AGMO: variants seen among roughly 807,000 people sequenced by gnomAD.
The protein encoded by AGMO is glyceryl-ether monooxygenase.
AGMO carries 75 observed loss-of-function variants against 60.2 expected under a neutral mutation model. That is an observed-to-expected ratio of 1.25 (90% CI 1.03 to 1.51). The LOEUF (loss-of-function observed/expected upper bound fraction) is 1.51. Ranked by LOEUF, AGMO falls within the 40% of genes most tolerant of loss-of-function variation. AGMO has a pLI of 0.00. For missense variants in AGMO, 763 were observed against 525.5 expected, an observed-to-expected ratio of 1.45 and a Z score of -4.42; for synonymous variants, 261 against 177.1, an observed-to-expected ratio of 1.47 and a Z score of -3.76.
the AGMO span, among the ~76,000 whole-genome samples, chr7:15,154,330 G>A: frequency 6.6e-6 from 1 of 152,072 alleles, no homozygotes; most frequent in South Asian, 2.1e-4. Context: ...TAAGCAAAGA[G>A]GTGCAAGATT....
At chr7:15,368,573 C>T (rs529923313) in intron 10 of AGMO, among the ~76,000 whole-genome samples, 129 of 152,094 alleles carry the variant, frequency 8.5e-4, no homozygotes, top group African/African-American at 2.8e-3. Flanking sequence ...ATAAAATACG[C>T]GTTTGGCAAG....
At chr7:15,272,935 TTTCGAGAAGTGTCTG>T (rs1426798826) in intron 12 of AGMO, among the ~76,000 whole-genome samples, 1 of 152,224 alleles carries the variant, frequency 6.6e-6, no homozygotes, top group Non-Finnish European at 1.5e-5. Context: ...AAATGTCTTC[TTTCGAGAAGTGTCTG>T]TTCATATCCT....
chr7:15,326,491 T>C (rs1781343210), intron 12 of AGMO, among the ~76,000 whole-genome samples: 1 of 152,232 alleles, frequency 6.6e-6, no homozygotes, highest in Admixed American at 6.5e-5. Flanking sequence ...CTCTTCGCAT[T>C]CTACCTATTT....
At chr7:15,471,033 T>A (rs1461487173) in intron 3 of AGMO, among the ~76,000 whole-genome samples, 1 of 151,998 alleles carries the variant, frequency 6.6e-6, no homozygotes, top group African/African-American at 2.4e-5. Flanking sequence ...ATTTGCTCTC[T>A]GGATTTAGTG....
chr7:15,257,759 G>A (rs988210786), intron 12 of AGMO, among the ~76,000 whole-genome samples: 8 of 152,180 alleles, frequency 5.3e-5, no homozygotes, highest in Non-Finnish European at 1.2e-4. Flanking sequence ...GACAGGCAAG[G>A]AAGGATTTAA....
intron 3 of AGMO, among the ~76,000 whole-genome samples, chr7:15,483,409 A>G (rs1001518831): frequency 2.6e-5 from 3 of 116,548 alleles, no homozygotes; most frequent in African/African-American, 7.6e-5. Context: ...TACTAAAAAT[A>G]CAAAAAATTA....
chr7:15,368,371 A>G (rs1783066255), intron 10 of AGMO, among the ~76,000 whole-genome samples: 1 of 151,952 alleles, frequency 6.6e-6, no homozygotes, highest in African/African-American at 2.4e-5. Flanking sequence ...ATCTCTCACT[A>G]TATTGCTTCA....
intron 12 of AGMO, among the ~76,000 whole-genome samples, chr7:15,234,768 T>C (rs1239499062): frequency 6.6e-6 from 1 of 152,190 alleles, no homozygotes; most frequent in African/African-American, 2.4e-5. Context: ...TTATGATCAC[T>C]GAAATTTGAA....
At chr7:15,123,828 T>A in the AGMO span, among the ~76,000 whole-genome samples, 12 of 152,230 alleles carry the variant, frequency 7.9e-5, no homozygotes, top group African/African-American at 2.9e-4. Context: ...ATGAGTTTAT[T>A]TAGATCACAT....
intron 3 of AGMO, among the ~76,000 whole-genome samples, chr7:15,458,845 G>T (rs180964339): frequency 7.9e-5 from 12 of 152,168 alleles, no homozygotes; most frequent in Admixed American, 2.6e-4. Flanking sequence ...TCCAGAGAGG[G>T]CACTCCCCTC....
intron 3 of AGMO, among the ~76,000 whole-genome samples, chr7:15,441,919 T>C (rs531653415): frequency 6.6e-6 from 1 of 152,198 alleles, no homozygotes; most frequent in Non-Finnish European, 1.5e-5. Context: ...ATATTACCCC[T>C]GTCAACAAAA....
chr7:15,176,673 G>A, the AGMO span, among the ~76,000 whole-genome samples: 1 of 151,968 alleles, frequency 6.6e-6, no homozygotes, highest in South Asian at 2.1e-4. Flanking sequence ...TTATGTACTA[G>A]TTGGGTCAGG....
At chr7:15,204,262 G>C (rs1246356955) in intron 12 of AGMO, among the ~76,000 whole-genome samples, 1 of 152,022 alleles carries the variant, frequency 6.6e-6, no homozygotes, top group African/African-American at 2.4e-5. Context: ...GATTACCGTA[G>C]TCACTCCATT....
intron 5 of AGMO, among the ~76,000 whole-genome samples, chr7:15,395,786 C>T (rs560612690): frequency 3.0e-4 from 45 of 152,276 alleles, no homozygotes; most frequent in African/African-American, 7.9e-4. Context: ...AATAAATTGC[C>T]TAAGTCTCAG....
chr7:15,299,830 T>TACACACATACAC (rs1554408739), intron 12 of AGMO, among the ~76,000 whole-genome samples: 1 of 48,190 alleles, frequency 2.1e-5, no homozygotes, highest in African/African-American at 1.5e-4. Flanking sequence ...TCTGTCTACA[T>TACACACATACAC]ACACACACAC....
chr7:15,292,751 CTTTTTTTTT>C (rs765222435), intron 12 of AGMO, among the ~76,000 whole-genome samples: 2 of 95,126 alleles, frequency 2.1e-5, no homozygotes, highest in Admixed American at 1.4e-4. Flanking sequence ...TTTTTTTTTC[CTTTTTTTTT>C]TTTTTTTTTT....
chr7:15,476,185 T>G (rs998340122), intron 3 of AGMO, among the ~76,000 whole-genome samples: 3 of 152,098 alleles, frequency 2.0e-5, no homozygotes, highest in African/African-American at 7.2e-5. Context: ...GAACTTATTA[T>G]CAAGAATCCT....
At chr7:15,198,272 AGT>A (rs1198719073), downstream of AGMO, among the ~76,000 whole-genome samples, 10 of 110,116 alleles carry the variant, frequency 9.1e-5, no homozygotes, top group African/African-American at 2.3e-4. Flanking sequence ...ACAGAGAGAG[AGT>A]GTGTTAAAGT....
chr7:15,393,888 A>C (rs1430468406), intron 6 of AGMO, among the ~76,000 whole-genome samples: 1 of 152,168 alleles, frequency 6.6e-6, no homozygotes, highest in Non-Finnish European at 1.5e-5. Flanking sequence ...AGAAAAATCC[A>C]AAAGTCAGAT....
Sources: allele counts gnomAD v4.1 joint callset (sites outside exome capture counted in the v4.1 genomes callset), GRCh38; gene constraint gnomAD v4.1.1; transcripts MANE v1.5; gene names NCBI Gene and HGNC (gene_info 2026-07-23, HGNC 2026-07-21).